Variants in PACS2 observed in about 807,000 individuals in gnomAD.
PACS2 encodes phosphofurin acidic cluster sorting protein 2.
Under a neutral mutation model 113.0 loss-of-function variants are expected in PACS2, and 36 were observed. That is an observed-to-expected ratio of 0.32 (90% confidence interval 0.24 to 0.42). The LOEUF (loss-of-function observed/expected upper bound fraction) is 0.42. Among genes scored for constraint, PACS2 ranks in the 10% least tolerant of loss-of-function variants. The pLI, the probability that PACS2 is intolerant of heterozygous loss-of-function variation, is 1.00. For missense variants in PACS2, 1,015 were observed against 1,239.5 expected, an observed-to-expected ratio of 0.82 and a Z score of 2.72; for synonymous variants, 589 against 536.1, an observed-to-expected ratio of 1.10 and a Z score of -1.36.
upstream of PACS2, among the ~76,000 whole-genome samples, chr14:105,311,868 C>G (rs920612228): frequency 1.3e-5 from 2 of 152,222 alleles, no homozygotes; most frequent in African/African-American, 4.8e-5. Flanking sequence ...GCCATGTGCT[C>G]CAACCATGGG....
At chr14:105,352,309 C>A in intron 2 of PACS2, 69 bp from the exon 3 acceptor site, 1 of 977,844 alleles carries the variant, frequency 1.0e-6, no homozygotes, top group Non-Finnish European at 1.7e-6. Context: ...GCAGGAGTCA[C>A]GGTGTCTTTG....
chr14:105,362,400 G>C (rs1172864792), intron 4 of PACS2, among the ~76,000 whole-genome samples: 2 of 146,744 alleles, frequency 1.4e-5, no homozygotes, highest in African/African-American at 5.2e-5. Flanking sequence ...CTGGGCGACA[G>C]AGCGAGACTC....
At chr14:105,364,337 G>A (rs1305044681) in intron 4 of PACS2, among the ~76,000 whole-genome samples, 1 of 125,764 alleles carries the variant, frequency 8.0e-6, no homozygotes, top group Non-Finnish European at 1.5e-5. Flanking sequence ...CGGCGGCCCG[G>A]GGGTGTGGTG....
intron 22 of PACS2, 177 bp downstream of exon 22, chr14:105,391,943 C>G (rs113145944): frequency 4.9e-6 from 3 of 615,170 alleles, no homozygotes; most frequent in Admixed American, 6.7e-5. Context: ...TGCCACAGAT[C>G]TGGTGTTTGG....
rs1595713334 is a variant in PACS2, at chr14:105,366,309, T to C, written c.424-904T>C. On this transcript the variant is annotated intron_variant, in intron 4 of 24. Coordinates refer to ENST00000447393, the MANE Select transcript of PACS2 (RefSeq NM_001100913.3). This position sits in a 1 kb window ranked among gnomAD's most constrained non-coding sequence, Gnocchi z 4.3. ...GTTGCAGTGAGCCAAGATCGCACCA[T>C]TGCACACCAGCCTGGGCCACAGAAT... Among the ~76,000 whole-genome samples, 2 of 152,268 alleles carry C rather than the reference T, an allele frequency of 1.3e-5. No homozygotes were observed. Among genetic ancestry groups the C allele is most frequent in the East Asian group, 3.9e-4 (2 of 5,190 alleles).
At position 105,357,230 on chromosome 14, in the gene PACS2, C is replaced by G. The variant is rs2060487761; in HGVS notation, c.423+2053C>G. The stretch of plus-strand genomic sequence containing the variant: ...CTGTCCTCCCAGCCTTGGGCTGTCC[C>G]CTCCTGATCCCCGGGGAGAGGCTGG... On this transcript the variant is annotated intron_variant, in intron 4 of 24. Transcript: ENST00000447393. The surrounding 1 kb of genome is among the most constrained non-coding windows in gnomAD (Gnocchi z 5.1). Among the ~76,000 whole-genome samples the G allele has an allele frequency of 6.6e-6, 1 of 152,126 alleles. No individual in the cohort carries two copies. Among genetic ancestry groups the G allele is most frequent in the African/African-American group, 2.4e-5 (1 of 41,422 alleles).
chr14:105,359,531 C>G (rs1327726637), intron 4 of PACS2, among the ~76,000 whole-genome samples: 1 of 151,142 alleles, frequency 6.6e-6, no homozygotes, highest in Non-Finnish European at 1.5e-5. Context: ...TGGTCTTGAA[C>G]TCCTGACCTC....
At position 105,365,841 on chromosome 14, in the gene PACS2, T is replaced by C. The variant is rs2060924645; in HGVS notation, c.424-1372T>C. On this transcript the variant is annotated intron_variant, in intron 4 of 24. Coordinates refer to ENST00000447393, the MANE Select transcript of PACS2 (RefSeq NM_001100913.3). This position sits in a 1 kb window ranked among gnomAD's most constrained non-coding sequence, Gnocchi z 5.1. ...AAGGCGACTCAGGGTGCTGGGGGCC[T>C]GGACAACAGCAGCCTCCAAGTACGT... Among the ~76,000 whole-genome samples, 2 of 152,192 alleles carry C rather than the reference T, an allele frequency of 1.3e-5. No individual in the cohort carries two copies. Among genetic ancestry groups the C allele is most frequent in the South Asian group, 4.1e-4 (2 of 4,834 alleles).
At chr14:105,346,397 G>A (rs978244962) in intron 1 of PACS2, among the ~76,000 whole-genome samples, 30 of 152,022 alleles carry the variant, frequency 2.0e-4, no homozygotes, top group African/African-American at 6.8e-4. Context: ...TTTGATGGCT[G>A]TCAGGCACTG....
chr14:105,385,614 C>A, intron 18 of PACS2, 71 bp from the exon 19 acceptor site: 1 of 1,083,544 alleles, frequency 9.2e-7, no homozygotes, highest in Non-Finnish European at 1.3e-6. Flanking sequence ...TGAGTGCCCT[C>A]GGCGGTCCCT....
chr14:105,372,149 G>GGTC (rs1885816219), intron 8 of PACS2: 1 of 152,306 alleles, frequency 6.6e-6, no homozygotes. Flanking sequence ...CCACACAGTG[G>GGTC]GTCTGGTGAG....
In PACS2 at chr14:105,391,780, A is replaced by G. The variant is rs2081366356; in HGVS notation, c.2255+14A>G. 2 of 1,579,758 alleles carry G rather than the reference A, an allele frequency of 1.3e-6. No homozygotes were observed. Among genetic ancestry groups the G allele is most frequent in the South Asian group, 2.3e-5 (2 of 86,632 alleles). ...GTCCTCCCCCAGGTAAAGGTGCCTC[A>G]CGGCTCAGCACGTTTCACTTACCCG... is the stretch of plus-strand genomic sequence containing the variant. On this transcript the variant is annotated intron_variant, in intron 22 of 24. Coordinates refer to ENST00000447393, the MANE Select transcript of PACS2 (RefSeq NM_001100913.3).
chr14:105,343,930 A>T (rs1595631724), intron 1 of PACS2, among the ~76,000 whole-genome samples: 1 of 151,612 alleles, frequency 6.6e-6, no homozygotes, highest in East Asian at 2.0e-4. Context: ...ATTTTTGTCG[A>T]ATGTGTGATC....
intron 4 of PACS2, among the ~76,000 whole-genome samples, chr14:105,359,685 A>C (rs1427326173): frequency 1.5e-5 from 2 of 137,030 alleles, no homozygotes; most frequent in Non-Finnish European, 3.1e-5. Context: ...TCCACCTCCC[A>C]GGTTCACGCC....
At chr14:105,335,473 G>C (rs1165838059) in intron 1 of PACS2, among the ~76,000 whole-genome samples, 1 of 152,204 alleles carries the variant, frequency 6.6e-6, no homozygotes, top group Admixed American at 6.5e-5. Flanking sequence ...GCCTGGCATG[G>C]CTGTGATGTG....
At chr14:105,387,180 G>A (rs1196417247) in intron 19 of PACS2, among the ~76,000 whole-genome samples, 2 of 152,218 alleles carry the variant, frequency 1.3e-5, no homozygotes, top group Non-Finnish European at 2.9e-5. Flanking sequence ...CCAGAGGAGG[G>A]TCAGTCGGGA....
intron 1 of PACS2, among the ~76,000 whole-genome samples, chr14:105,347,412 C>A (rs1156314247): frequency 1.3e-5 from 2 of 152,132 alleles, no homozygotes; most frequent in Non-Finnish European, 2.9e-5. Context: ...AAGCACGTGG[C>A]GGCCACTGTG....
chr14:105,391,815 A>G (rs782184962), intron 22 of PACS2, 49 bp downstream of exon 22: 3 of 1,524,576 alleles, frequency 2.0e-6, no homozygotes, highest in Admixed American at 4.3e-5. Context: ...GCCCCACCAC[A>G]TGCTGCCTGA....
At chr14:105,382,692 G>A in intron 14 of PACS2, 111 bp downstream of exon 14, 1 of 961,120 alleles carries the variant, frequency 1.0e-6, no homozygotes. Context: ...GCTGGCTGTG[G>A]TTTGCCTGGA....
Sources: allele counts gnomAD v4.1 joint callset (sites outside exome capture counted in the v4.1 genomes callset), GRCh38; gene constraint gnomAD v4.1.1; non-coding constraint Gnocchi (gnomAD v3.1); transcripts MANE v1.5; gene names NCBI Gene and HGNC (gene_info 2026-07-23, HGNC 2026-07-21).